Variants in COXFA4L3 observed in about 807,000 individuals in gnomAD.
The protein encoded by COXFA4L3 is cytochrome c oxidase associated subunit FA4L3, also known as MIR147B host.
At chr15:45,432,151 C>G in the COXFA4L3 span, 1 of 1,606,810 alleles carries the variant, frequency 6.2e-7, no homozygotes, top group East Asian at 2.2e-5. Flanking sequence ...AAATTAAAAA[C>G]AAATGATTTA....
chr15:45,431,232 C>A, the COXFA4L3 span: 2 of 529,276 alleles, frequency 3.8e-6, no homozygotes, highest in Non-Finnish European at 6.5e-6. Context: ...CATCTTTTAT[C>A]AGAAAACTCT....
chr15:45,431,991 C>T, the COXFA4L3 span: 1 of 1,235,598 alleles, frequency 8.1e-7, no homozygotes, highest in East Asian at 2.4e-5. Flanking sequence ...TGGTTTTGTC[C>T]CTAACATGTT....
At chr15:45,432,281 C>T in the COXFA4L3 span, 3 of 644,154 alleles carry the variant, frequency 4.7e-6, no homozygotes, top group South Asian at 4.1e-5. Flanking sequence ...TTTTAAGAGC[C>T]TACTCTATGC....
chr15:45,431,282 GAAAA>G, the COXFA4L3 span: 2 of 361,320 alleles, frequency 5.5e-6, no homozygotes, highest in African/African-American at 2.2e-5. Flanking sequence ...ATGAAAATTA[GAAAA>G]AAAAAAGAAA....
the COXFA4L3 span, chr15:45,430,754 G>A: frequency 1.3e-6 from 2 of 1,598,104 alleles, no homozygotes; most frequent in South Asian, 1.1e-5. Flanking sequence ...CAATACTTTG[G>A]ATTTTTAATT....
chr15:45,431,185 A>C, the COXFA4L3 span: 2 of 978,392 alleles, frequency 2.0e-6, no homozygotes, highest in African/African-American at 3.3e-5. Flanking sequence ...CATGGATGAG[A>C]ATGCCAAATT....
chr15:45,433,146 T>G, the COXFA4L3 span: 3 of 976,666 alleles, frequency 3.1e-6, no homozygotes, highest in Admixed American at 1.7e-5. Context: ...CTACATTTTT[T>G]GGGCTCTGGA....
the COXFA4L3 span, among the ~76,000 whole-genome samples, chr15:45,431,854 A>T: frequency 2.0e-5 from 3 of 152,140 alleles, no homozygotes; most frequent in South Asian, 6.2e-4. Flanking sequence ...CAGACCTCCT[A>T]CCCTTTAGGG....
At chr15:45,431,152 G>T in the COXFA4L3 span, 1 of 1,373,552 alleles carries the variant, frequency 7.3e-7, no homozygotes, top group Non-Finnish European at 1.0e-6. Flanking sequence ...TTTATGAAAT[G>T]TATAAGTTTC....
chr15:45,433,103 CG>C, the COXFA4L3 span: 3 of 1,308,262 alleles, frequency 2.3e-6, no homozygotes, highest in Non-Finnish European at 3.3e-6. Flanking sequence ...CACCAGTGTG[CG>C]GAAATGCTTC....
the COXFA4L3 span, chr15:45,430,819 T>C: frequency 6.2e-7 from 1 of 1,611,340 alleles, no homozygotes; most frequent in East Asian, 2.2e-5. Context: ...CAACTCCTGA[T>C]GAAAAGGAAG....
the COXFA4L3 span, chr15:45,430,832 A>G: frequency 1.9e-6 from 3 of 1,594,490 alleles, no homozygotes; most frequent in Non-Finnish European, 1.7e-6. Context: ...AAAGGAAGGA[A>G]GTAAGTTTTA....
chr15:45,430,617 G>T, the COXFA4L3 span: 1 of 618,256 alleles, frequency 1.6e-6, no homozygotes. Context: ...GTTCGGTTCC[G>T]GGCGTTACCA....
the COXFA4L3 span, chr15:45,432,917 AG>A: frequency 3.9e-6 from 6 of 1,530,256 alleles, no homozygotes; most frequent in Non-Finnish European, 5.4e-6. Context: ...TTTTAACAAA[AG>A]GTTTTTTTTT....
chr15:45,431,295 A>C, the COXFA4L3 span: 1 of 437,350 alleles, frequency 2.3e-6, no homozygotes, highest in African/African-American at 2.1e-5. Context: ...AAAAAAAAGA[A>C]AAAATTTAAA....
chr15:45,431,992 C>A, the COXFA4L3 span: 1 of 1,268,330 alleles, frequency 7.9e-7, no homozygotes, highest in Non-Finnish European at 1.1e-6. Context: ...GGTTTTGTCC[C>A]TAACATGTTT....
the COXFA4L3 span, among the ~76,000 whole-genome samples, chr15:45,431,547 G>A: frequency 6.6e-6 from 1 of 151,984 alleles, no homozygotes; most frequent in Non-Finnish European, 1.5e-5. Context: ...AGTTGTCTAC[G>A]ATGAACCTAA....
the COXFA4L3 span, chr15:45,431,010 T>TTGG: frequency 1.9e-6 from 3 of 1,613,906 alleles, no homozygotes; most frequent in African/African-American, 2.7e-5. Flanking sequence ...GCTCATTCCC[T>TTGG]TGGTGGTGTT....
the COXFA4L3 span, chr15:45,433,110 G>T: frequency 2.4e-6 from 3 of 1,263,654 alleles, no homozygotes; most frequent in Non-Finnish European, 3.5e-6. Context: ...GTGCGGAAAT[G>T]CTTCTGCTAC....
Sources: gnomAD v4.1 joint callset for allele counts (sites outside exome capture counted in the v4.1 genomes callset) on GRCh38, gnomAD v4.1.1 for gene constraint, MANE v1.5 for transcripts, NCBI Gene and HGNC (gene_info 2026-07-23, HGNC 2026-07-21) for gene names.